Variants in CAMK4 observed in about 807,000 individuals in gnomAD.
CAMK4 encodes calcium/calmodulin dependent protein kinase IV.
In CAMK4, 22 loss-of-function variants were observed where a neutral mutation model predicts 44.9. The observed-to-expected ratio is 0.49, with a 90% CI of 0.35 to 0.70. CAMK4 has a LOEUF of 0.70. CAMK4 is among the 30% of genes least tolerant of loss of function. The pLI, the probability that CAMK4 is intolerant of heterozygous loss-of-function variation, is 0.01. For synonymous variants in CAMK4, 218 were observed against 215.4 expected (o/e 1.01, Z -0.11); for missense variants, 498 against 586.8 (o/e 0.85, Z 1.56).
At chr5:111,334,559 C>T (rs1257292123) in intron 1 of CAMK4, among the ~76,000 whole-genome samples, 1 of 151,474 alleles carries the variant, frequency 6.6e-6, no homozygotes, top group Non-Finnish European at 1.5e-5. Context: ...GAGGTTATAA[C>T]CAGTCTTCTT....
chr5:111,380,437 G>C (rs575648694), intron 4 of CAMK4, among the ~76,000 whole-genome samples: 1 of 152,106 alleles, frequency 6.6e-6, no homozygotes, highest in Non-Finnish European at 1.5e-5. Flanking sequence ...TTGTTGTACA[G>C]ATTGTTTCAT....
chr5:111,296,187 T>A lies in CAMK4; in HGVS notation c.162-47837T>A, dbSNP rs551583207. 1.3e-3 allele frequency among the ~76,000 whole-genome samples: 196 copies of A among 152,328 alleles called. 1 individual carries two copies. The highest frequency in any genetic ancestry group is 2.4e-3 in the Non-Finnish European group (160 of 68,032). On this transcript the variant is annotated intron_variant, in intron 1 of 10. Coordinates refer to ENST00000282356, the MANE Select transcript of CAMK4 (RefSeq NM_001744.6). ...GGGTATGGCAAATATCAGTGTATGC[T>A]TATTGGCTGTGTTGGAGAAAGAAGC...
chr5:111,370,068 C>T (rs1750945455), intron 2 of CAMK4, among the ~76,000 whole-genome samples: 1 of 152,124 alleles, frequency 6.6e-6, no homozygotes, highest in African/African-American at 2.4e-5. Flanking sequence ...CAAGAACCTG[C>T]AGTCACCCTG....
In CAMK4 at chr5:111,454,929, A is replaced by G. The variant is rs565838578; in HGVS notation, c.625+5726A>G. On this transcript the variant is annotated intron_variant, in intron 7 of 10. Coordinates refer to ENST00000282356, the MANE Select transcript of CAMK4 (RefSeq NM_001744.6). ...AAGCTTAAGTATGTTCATATTTCAT[A>G]TTTGTACTTGTCTTTATTCAAATTC... Among the ~76,000 whole-genome samples the G allele has an allele frequency of 1.2e-4, 19 of 152,258 alleles. No homozygotes were observed. The South Asian group carries it at 3.7e-3, about 30-fold the overall frequency.
chr5:111,292,349 T>C (rs1747306655), intron 1 of CAMK4, among the ~76,000 whole-genome samples: 1 of 152,156 alleles, frequency 6.6e-6, no homozygotes, highest in South Asian at 2.1e-4. Flanking sequence ...TTAAATAAAA[T>C]AATGTTATAT....
At chr5:111,404,790 C>T (rs896157314) in intron 5 of CAMK4, among the ~76,000 whole-genome samples, 1 of 152,124 alleles carries the variant, frequency 6.6e-6, no homozygotes, top group African/African-American at 2.4e-5. Context: ...GTCTCCTTGG[C>T]CAAAAGGAGG....
chr5:111,349,337 T>C lies in CAMK4; in HGVS notation c.240+5235T>C, dbSNP rs1012701198. ...GTGAAGGAAACAAGGCTAACTTTTTTCTTTCATGCATAAGCCCTTCAGTAT... is the reference window on the plus strand; with the variant it reads ...GTGAAGGAAACAAGGCTAACTTTTTCCTTTCATGCATAAGCCCTTCAGTAT... On this transcript the variant is annotated intron_variant, in intron 2 of 10. Coordinates refer to ENST00000282356, the MANE Select transcript of CAMK4 (RefSeq NM_001744.6). Among the ~76,000 whole-genome samples, 7 of 152,052 alleles carry C rather than the reference T, an allele frequency of 4.6e-5. No homozygotes were observed. In the East Asian group the frequency reaches 7.7e-4, roughly 17 times the overall value.
intron 5 of CAMK4, among the ~76,000 whole-genome samples, chr5:111,433,424 G>A (rs931554554): frequency 6.6e-6 from 1 of 152,170 alleles, no homozygotes; most frequent in Non-Finnish European, 1.5e-5. Flanking sequence ...GGATAGTCAT[G>A]CATTTTACAG....
At chr5:111,294,262 G>A (rs1747397658) in intron 1 of CAMK4, among the ~76,000 whole-genome samples, 1 of 152,092 alleles carries the variant, frequency 6.6e-6, no homozygotes. Flanking sequence ...TGAGTCATGG[G>A]CTTATAAAAC....
chr5:111,408,023 C>T lies in CAMK4; in HGVS notation c.459+13241C>T, dbSNP rs752828951. Among the ~76,000 whole-genome samples, 7 of 152,020 alleles carry T rather than the reference C, an allele frequency of 4.6e-5. No individual in the cohort carries two copies. The South Asian group carries it at 1.0e-3, about 23-fold the overall frequency. ...ACTCAGGAGGCTGAGGCAGGAGAAT[C>T]GCTTGAACCTGGGAGCCAGAGGTTG... is the stretch of plus-strand genomic sequence containing the variant. On this transcript the variant is annotated intron_variant, in intron 5 of 10. Coordinates refer to ENST00000282356, the MANE Select transcript of CAMK4 (RefSeq NM_001744.6).
chr5:111,243,448 A>G lies in CAMK4; in HGVS notation c.161+18804A>G, dbSNP rs1362048612. Among the ~76,000 whole-genome samples the G allele has an allele frequency of 3.9e-5, 6 of 152,208 alleles. No individual in the cohort carries two copies. In the South Asian group the frequency reaches 8.3e-4, roughly 21 times the overall value. On this transcript the variant is annotated intron_variant, in intron 1 of 10. Transcript: ENST00000282356. ...TTATGAAAACTGTATTGTACAAGGA[A>G]GCACACAGATGGGCGTAGCAGAAGG...
At chr5:111,318,290 C>T (rs1748518809) in intron 1 of CAMK4, among the ~76,000 whole-genome samples, 1 of 152,022 alleles carries the variant, frequency 6.6e-6, no homozygotes, top group Non-Finnish European at 1.5e-5. Context: ...TCTTTATGAT[C>T]CACATGGCTG....
At chr5:111,233,879 A>G (rs1449903283) in intron 1 of CAMK4, among the ~76,000 whole-genome samples, 1 of 152,216 alleles carries the variant, frequency 6.6e-6, no homozygotes, top group Admixed American at 6.5e-5. Context: ...TATTTCGACT[A>G]TAGCAGAGGT....
chr5:111,444,130 T>C (rs989037236), intron 5 of CAMK4, among the ~76,000 whole-genome samples: 6 of 152,176 alleles, frequency 3.9e-5, no homozygotes, highest in Non-Finnish European at 4.4e-5. Flanking sequence ...CAAATGTTCA[T>C]TGAGCATCTC....
rs145571602 is a variant in CAMK4 at position 111,392,720 on chromosome 5, A to G, written c.387-1990A>G. Among the ~76,000 whole-genome samples, 7 of 152,300 alleles carry G rather than the reference A, an allele frequency of 4.6e-5. No homozygotes were observed. The East Asian group carries it at 1.3e-3, about 29-fold the overall frequency. Reference sequence around the variant, plus strand: ...ATGGAATATGAACATATGTACATATATATTTATTTTTTAATTCAAGAATAA... The same window carrying G: ...ATGGAATATGAACATATGTACATATGTATTTATTTTTTAATTCAAGAATAA... On this transcript the variant is annotated intron_variant, in intron 4 of 10. Transcript: ENST00000282356.
chr5:111,319,298 CTG>C (rs1250507211), intron 1 of CAMK4, among the ~76,000 whole-genome samples: 1 of 152,186 alleles, frequency 6.6e-6, no homozygotes, highest in Non-Finnish European at 1.5e-5. Context: ...CCACAAGAGA[CTG>C]TGTGTCTTAG....
chr5:111,267,756 ATGATAGAAT>A (rs1168789297), intron 1 of CAMK4, among the ~76,000 whole-genome samples: 1 of 150,716 alleles, frequency 6.6e-6, no homozygotes, highest in Non-Finnish European at 1.5e-5. Context: ...GACACAGGGG[ATGATAGAAT>A]TAGAATATCC....
At position 111,486,044 on chromosome 5, in the gene CAMK4, C is replaced by T. The variant is rs1469158916; in HGVS notation, c.*1578C>T. On this transcript the variant is annotated 3_prime_UTR_variant, in exon 11 of 11. Transcript: ENST00000282356. ...TAAAAATCCTTGTTAAAAAAGAGAT[C>T]TTAAATTATGTTGGCTCTCCCTCAA... is the stretch of plus-strand genomic sequence containing the variant. 6.6e-6 allele frequency: 1 copy of T among 152,066 alleles called. No individual in the cohort carries two copies. The highest frequency in any genetic ancestry group is 2.4e-5 in the African/African-American group (1 of 41,410). 9.4% of individuals were successfully genotyped at this position (152,066 alleles called of 1,614,324 possible).
rs115206512 is a variant in CAMK4, at chr5:111,226,074, C to T, written c.161+1430C>T. On this transcript the variant is annotated intron_variant, in intron 1 of 10. Transcript: ENST00000282356. ...GGGATGATCTACTTAAAATTGTTTA[C>T]TGGGTGTTTTATAAACTACTGTGTA... 4.2e-3 allele frequency among the ~76,000 whole-genome samples: 633 copies of T among 152,240 alleles called. 3 individuals carry two copies. Among genetic ancestry groups the T allele is most frequent in the African/African-American group, 0.015 (614 of 41,534 alleles).
Sources: allele counts gnomAD v4.1 joint callset (sites outside exome capture counted in the v4.1 genomes callset), GRCh38; gene constraint gnomAD v4.1.1; transcripts MANE v1.5; gene names NCBI Gene and HGNC (gene_info 2026-07-23, HGNC 2026-07-21).